The following B3GLCT variants were observed in gnomAD, a reference collection of about 807,000 sequenced individuals.
B3GLCT encodes the protein beta 3-glucosyltransferase.
A neutral mutation model predicts 63.4 loss-of-function variants in B3GLCT; 65 were observed. The ratio of observed to expected loss-of-function variants is 1.03; its 90% CI spans 0.84 to 1.26. The LOEUF (loss-of-function observed/expected upper bound fraction) is 1.26, where lower values mean the gene tolerates loss of function less well. B3GLCT is among the 50% of genes most tolerant of loss of function. B3GLCT has a pLI of 0.00. For missense variants in B3GLCT, 577 were observed against 604.8 expected, an observed-to-expected ratio of 0.95 and a Z score of 0.48; for synonymous variants, 233 against 219.2, an observed-to-expected ratio of 1.06 and a Z score of -0.55.
At chr13:31,269,112 G>A (rs895365677) in intron 7 of B3GLCT, 102 bp from the exon 8 acceptor site, 2 of 807,312 alleles carry the variant, frequency 2.5e-6, no homozygotes, top group African/African-American at 1.7e-5. Flanking sequence ...CTTTAAATCT[G>A]TATGTTTATC....
intron 1 of B3GLCT, among the ~76,000 whole-genome samples, chr13:31,213,689 A>G (rs1869411811): frequency 7.4e-6 from 1 of 134,778 alleles, no homozygotes; most frequent in Non-Finnish European, 1.5e-5. Context: ...ATCAGCTGAC[A>G]TGTAAGATAA....
intron 6 of B3GLCT, among the ~76,000 whole-genome samples, chr13:31,252,391 G>C (rs189233388): frequency 6.6e-6 from 1 of 152,140 alleles, no homozygotes; most frequent in Non-Finnish European, 1.5e-5. Context: ...ATGTAAATGG[G>C]CTAAATGCTC....
In B3GLCT at chr13:31,269,648, C is replaced by G. The variant is rs925509377; in HGVS notation, c.660+371C>G. 4.5e-4 allele frequency among the ~76,000 whole-genome samples: 67 copies of G among 150,182 alleles called. 2 individuals are homozygous for G. The highest frequency in any genetic ancestry group is 1.2e-3 in the African/African-American group (47 of 40,632). ...GATTGAATGATCATGTCCCCGCCCCCCTAATTCATACCTTGAAACCTGAGC... is the reference window on the plus strand; with the variant it reads ...GATTGAATGATCATGTCCCCGCCCCGCTAATTCATACCTTGAAACCTGAGC... On this transcript the variant is annotated intron_variant, in intron 8 of 14. Coordinates refer to ENST00000343307, the MANE Select transcript of B3GLCT (RefSeq NM_194318.4).
In B3GLCT at chr13:31,200,275, G is replaced by A. The variant is rs1307309867; in HGVS notation, c.70+121G>A. 2.3e-5 allele frequency: 10 copies of A among 428,552 alleles called. No homozygotes were observed. The South Asian group carries it at 4.9e-4, about 21-fold the overall frequency. 26.5% of individuals were successfully genotyped at this position (428,552 alleles called of 1,614,324 possible). On this transcript the variant is annotated intron_variant, in intron 1 of 14. Transcript: ENST00000343307. The stretch of plus-strand genomic sequence containing the variant: ...CGGCCCAGCCCTGCCCCGCCGGCGC[G>A]CGCGTCCCGCCGTCCGGTCCCCGCC...
At chr13:31,286,952 C>G (rs1873366976) in intron 12 of B3GLCT, 133 bp downstream of exon 12, 2 of 591,494 alleles carry the variant, frequency 3.4e-6, no homozygotes, top group East Asian at 5.7e-5. Context: ...AACCAATCCT[C>G]TTAAGGAACA....
intron 7 of B3GLCT, among the ~76,000 whole-genome samples, chr13:31,264,668 T>C (rs553640669): frequency 1.3e-5 from 2 of 152,310 alleles, no homozygotes; most frequent in South Asian, 2.1e-4. Flanking sequence ...GGGATTCTTA[T>C]TTATTCTTCA....
At position 31,329,942 on chromosome 13, in the gene B3GLCT, G is replaced by A; in HGVS notation, c.*274G>A. On this transcript the variant is annotated 3_prime_UTR_variant, in exon 15 of 15. Transcript: ENST00000343307. Reference sequence around the variant, plus strand: ...TGTGTATTCTCCAAGCTGTGATACAGCAGTTTTTTTTTATTGTCACAGGGA... The same window carrying A: ...TGTGTATTCTCCAAGCTGTGATACAACAGTTTTTTTTTATTGTCACAGGGA... The A allele has an allele frequency of 2.2e-6, 1 of 445,324 alleles. No homozygotes were observed. Among genetic ancestry groups the A allele is most frequent in the Non-Finnish European group, 4.1e-6 (1 of 242,702 alleles). The allele number at this position is 445,324 out of a possible 1,614,324, so 27.6% of individuals were successfully genotyped here.
intron 12 of B3GLCT, among the ~76,000 whole-genome samples, chr13:31,310,747 T>C (rs1264808597): frequency 2.6e-5 from 4 of 152,194 alleles, no homozygotes; most frequent in African/African-American, 9.7e-5. Flanking sequence ...GCTCAGAGCT[T>C]AGGACTCCCT....
chr13:31,327,900 G>A (rs116050658), intron 14 of B3GLCT, among the ~76,000 whole-genome samples: 117 of 152,184 alleles, frequency 7.7e-4, no homozygotes, highest in African/African-American at 2.7e-3. Flanking sequence ...ACTTTTCTTC[G>A]CAGATATTAT....
chr13:31,271,306 A>C (rs1872566359), intron 8 of B3GLCT, among the ~76,000 whole-genome samples: 1 of 152,176 alleles, frequency 6.6e-6, no homozygotes, highest in Non-Finnish European at 1.5e-5. Context: ...GCTCTAATTA[A>C]CTTATTTTTA....
At chr13:31,274,716 T>G in intron 9 of B3GLCT, 88 bp downstream of exon 9, 1 of 1,543,166 alleles carries the variant, frequency 6.5e-7, no homozygotes, top group Non-Finnish European at 8.9e-7. Flanking sequence ...TAAAATGAAT[T>G]TTAAATTCAG....
chr13:31,237,371 T>TA (rs376076352), intron 4 of B3GLCT, among the ~76,000 whole-genome samples: 4 of 149,848 alleles, frequency 2.7e-5, no homozygotes, highest in South Asian at 2.1e-4. Context: ...TTTTTTTTTT[T>TA]AGATGGAGTT....
Position 31,284,735 on chromosome 13 carries a change from A to T in B3GLCT, c.938A>T (p.Asp313Val), listed in dbSNP as rs147990534. ...DYTENSIPTV[D>V]LGIPNTDRGH... ...ACTGAAAATTCCATTCCTACTGTGG[A>T]TTTGGGAATTCCTAATACAGATAGA... The change falls in exon 11 of 15, where the codon GAT becomes GTT. Residue 313 changes from aspartate to valine, a missense_variant. Physicochemically the swap from Asp to Val is radical, Grantham distance 152. Coordinates refer to ENST00000343307, the MANE Select transcript of B3GLCT (RefSeq NM_194318.4). The T allele has an allele frequency of 6.9e-6, 11 of 1,592,822 alleles. No individual in the cohort carries two copies. In the African/African-American group the frequency reaches 1.5e-4, roughly 21 times the overall value.
At chr13:31,293,035 C>T (rs1326908129) in intron 12 of B3GLCT, among the ~76,000 whole-genome samples, 1 of 151,466 alleles carries the variant, frequency 6.6e-6, no homozygotes, top group Non-Finnish European at 1.5e-5. Context: ...TTCCAAAGAA[C>T]TTATTTCTGC....
At chr13:31,244,720 G>A (rs1197246208) in intron 4 of B3GLCT, among the ~76,000 whole-genome samples, 1 of 151,644 alleles carries the variant, frequency 6.6e-6, no homozygotes, top group Non-Finnish European at 1.5e-5. Context: ...CATCTGTTTG[G>A]GTCTCTGTGT....
chr13:31,291,036 G>C (rs1466531890), intron 12 of B3GLCT, among the ~76,000 whole-genome samples: 1 of 152,098 alleles, frequency 6.6e-6, no homozygotes, highest in Non-Finnish European at 1.5e-5. Flanking sequence ...TTTTGTATAA[G>C]GTGTAAGAAA....
chr13:31,229,381 A>C (rs1352809457), intron 4 of B3GLCT, 87 bp downstream of exon 4: 1 of 837,478 alleles, frequency 1.2e-6, no homozygotes, highest in Admixed American at 1.8e-5. Flanking sequence ...GTGGAGAATC[A>C]GTTTTTATTT....
At chr13:31,276,260 G>A (rs1170936111) in intron 9 of B3GLCT, among the ~76,000 whole-genome samples, 1 of 152,102 alleles carries the variant, frequency 6.6e-6, no homozygotes, top group African/African-American at 2.4e-5. Context: ...GCCCAGAAAA[G>A]GGCAACATCT....
At chr13:31,266,223 C>T (rs1170860292) in intron 7 of B3GLCT, among the ~76,000 whole-genome samples, 1 of 152,080 alleles carries the variant, frequency 6.6e-6, no homozygotes, top group Non-Finnish European at 1.5e-5. Context: ...TGGCCTCGAT[C>T]TCCTGACCTC....
Sources: allele counts gnomAD v4.1 joint callset (sites outside exome capture counted in the v4.1 genomes callset), GRCh38; gene constraint gnomAD v4.1.1; transcripts MANE v1.5; gene names NCBI Gene and HGNC (gene_info 2026-07-23, HGNC 2026-07-21).